Variants in LRRC37A2 observed in about 807,000 individuals in gnomAD.
LRRC37A2 encodes leucine rich repeat containing 37 member A2.
LRRC37A2 carries 9 observed loss-of-function variants against 68.8 expected under a neutral mutation model. The observed-to-expected ratio is 0.13, with a 90% CI of 0.08 to 0.23. The LOEUF is 0.23. Ranked by LOEUF, LRRC37A2 falls within the 10% of genes least tolerant of loss-of-function variation. The pLI, the probability that LRRC37A2 is intolerant of heterozygous loss-of-function variation, is 1.00. For synonymous variants in LRRC37A2, 63 were observed against 367.6 expected (o/e 0.17, Z 9.48); for missense variants, 168 against 950.4 (o/e 0.18, Z 10.82).
At chr17:46,807,246 G>A in the LRRC37A2 span, among the ~76,000 whole-genome samples, 1 of 152,248 alleles carries the variant, frequency 6.6e-6, no homozygotes, top group African/African-American at 2.4e-5. Flanking sequence ...ACTTTGGGAG[G>A]CCGAGGCAGG....
chr17:46,884,601 T>C, the LRRC37A2 span, among the ~76,000 whole-genome samples: 5 of 152,238 alleles, frequency 3.3e-5, no homozygotes, highest in African/African-American at 4.8e-5. Context: ...GTAGTTGTTT[T>C]GCGCAGGCTT....
At chr17:46,635,776 A>AATGTGTGTGTGTGT in the LRRC37A2 span, among the ~76,000 whole-genome samples, 1 of 11,266 alleles carries the variant, frequency 8.9e-5, no homozygotes, top group African/African-American at 1.7e-4. Context: ...AGGGAAAATA[A>AATGTGTGTGTGTGT]ATGTGTGTGT....
At chr17:46,920,272 T>C in the LRRC37A2 span, among the ~76,000 whole-genome samples, 17 of 152,352 alleles carry the variant, frequency 1.1e-4, no homozygotes, top group East Asian at 2.7e-3. Context: ...TTGTATCAAT[T>C]GTAGCATGTA....
At chr17:46,390,037 ACGGTT>A in the LRRC37A2 span, among the ~76,000 whole-genome samples, 1 of 151,180 alleles carries the variant, frequency 6.6e-6, no homozygotes, top group Admixed American at 6.6e-5. Flanking sequence ...GTATTTTCTC[ACGGTT>A]CTGGAAGCTG....
At chr17:46,826,261 T>C in the LRRC37A2 span, among the ~76,000 whole-genome samples, 21 of 152,252 alleles carry the variant, frequency 1.4e-4, no homozygotes, top group Admixed American at 1.4e-3. Flanking sequence ...TGCTGGGACC[T>C]CAGGGTGGCC....
chr17:46,764,103 G>A, the LRRC37A2 span: 1 of 152,174 alleles, frequency 6.6e-6, no homozygotes, highest in Admixed American at 6.5e-5. Flanking sequence ...TTATCAGAAT[G>A]AGAAATTAGC....
chr17:46,493,714 T>G, the LRRC37A2 span, among the ~76,000 whole-genome samples: 3 of 149,942 alleles, frequency 2.0e-5, no homozygotes, highest in Non-Finnish European at 4.4e-5. Context: ...ATTTTTTGTA[T>G]TTTTAGTAGA....
the LRRC37A2 span, among the ~76,000 whole-genome samples, chr17:46,825,913 C>G: frequency 6.5e-4 from 99 of 152,338 alleles, no homozygotes; most frequent in Middle Eastern, 0.027. Context: ...ATCCCAGCTA[C>G]TTGGGAGGCT....
chr17:46,918,494 T>C, the LRRC37A2 span, among the ~76,000 whole-genome samples: 2 of 152,156 alleles, frequency 1.3e-5, no homozygotes, highest in African/African-American at 4.8e-5. Context: ...TAGGTAGGTA[T>C]GTAGGTATTA....
the LRRC37A2 span, among the ~76,000 whole-genome samples, chr17:47,027,314 C>A: frequency 6.6e-6 from 1 of 152,250 alleles, no homozygotes; most frequent in Admixed American, 6.5e-5. Flanking sequence ...ATCAAGTCTA[C>A]TGCTCTCAGG....
the LRRC37A2 span, among the ~76,000 whole-genome samples, chr17:47,025,397 A>G: frequency 2.0e-5 from 3 of 152,334 alleles, no homozygotes; most frequent in Admixed American, 6.5e-5. Context: ...AATATTAAAA[A>G]TCAGCTGAAT....
chr17:46,963,077 T>A, the LRRC37A2 span, among the ~76,000 whole-genome samples: 2 of 152,220 alleles, frequency 1.3e-5, no homozygotes, highest in East Asian at 3.8e-4. Flanking sequence ...GACTTCACAC[T>A]CTCAACCACT....
At chr17:46,732,227 T>C in the LRRC37A2 span, among the ~76,000 whole-genome samples, 1 of 152,200 alleles carries the variant, frequency 6.6e-6, no homozygotes, top group Non-Finnish European at 1.5e-5. Context: ...TTTGCATTTG[T>C]TGTATTTCCA....
At chr17:46,760,413 T>C in the LRRC37A2 span, among the ~76,000 whole-genome samples, 1 of 151,764 alleles carries the variant, frequency 6.6e-6, no homozygotes, top group Non-Finnish European at 1.5e-5. Flanking sequence ...GGGAGATCAT[T>C]TGAGGCTAGG....
At chr17:46,741,346 T>C in the LRRC37A2 span, among the ~76,000 whole-genome samples, 1 of 152,226 alleles carries the variant, frequency 6.6e-6, no homozygotes, top group African/African-American at 2.4e-5. Flanking sequence ...TGCTTTTGCC[T>C]ATAGTATTTT....
the LRRC37A2 span, among the ~76,000 whole-genome samples, chr17:46,797,502 C>T: frequency 3.3e-5 from 5 of 152,100 alleles, no homozygotes; most frequent in Middle Eastern, 3.2e-3. Flanking sequence ...TTGCCTCGGG[C>T]GGGAAGAAGG....
At chr17:46,389,990 AC>A in the LRRC37A2 span, among the ~76,000 whole-genome samples, 1 of 150,996 alleles carries the variant, frequency 6.6e-6, no homozygotes. Flanking sequence ...CTGCCATAAC[AC>A]AATACTATAG....
At chr17:46,838,584 G>A in the LRRC37A2 span, among the ~76,000 whole-genome samples, 7 of 152,112 alleles carry the variant, frequency 4.6e-5, no homozygotes, top group South Asian at 2.1e-4. Context: ...CCATGATGGC[G>A]CCACTGCACT....
At chr17:46,941,740 AT>A in the LRRC37A2 span, 19,602 of 149,642 alleles carry the variant, frequency 0.13, 1,177 homozygotes, top group African/African-American at 0.19. Flanking sequence ...TGTCTGGCTA[AT>A]TTTTTTTTTT....
Sources: gnomAD v4.1 joint callset for allele counts (sites outside exome capture counted in the v4.1 genomes callset) on GRCh38, gnomAD v4.1.1 for gene constraint, MANE v1.5 for transcripts, NCBI Gene and HGNC (gene_info 2026-07-23, HGNC 2026-07-21) for gene names.